ARL15: variants seen among roughly 807,000 people sequenced by gnomAD.
ARL15 encodes ARF like GTPase 15.
Under a neutral mutation model 25.2 loss-of-function variants are expected in ARL15, and 19 were observed. That is an observed-to-expected ratio of 0.75 (90% CI 0.53 to 1.10). The LOEUF is 1.10. ARL15 is among the 50% of genes least tolerant of loss of function. The pLI is 0.00. For synonymous variants in ARL15, 94 were observed against 86.8 expected, an observed-to-expected ratio of 1.08 and a Z score of -0.46; for missense variants, 220 against 246.0, an observed-to-expected ratio of 0.89 and a Z score of 0.71.
chr5:53,891,605 C>T (rs1744711076), intron 4 of ARL15, among the ~76,000 whole-genome samples: 1 of 152,182 alleles, frequency 6.6e-6, no homozygotes, highest in Non-Finnish European at 1.5e-5. Flanking sequence ...ATTTTTTCTG[C>T]ATAGTCACCA....
intron 4 of ARL15, among the ~76,000 whole-genome samples, chr5:54,025,693 A>G (rs1200480424): frequency 6.6e-6 from 1 of 152,110 alleles, no homozygotes; most frequent in Non-Finnish European, 1.5e-5. Flanking sequence ...TTCGGTAATT[A>G]CAATCCGATC....
At chr5:54,272,236 A>G (rs1298520405) in intron 1 of ARL15, among the ~76,000 whole-genome samples, 1 of 149,156 alleles carries the variant, frequency 6.7e-6, no homozygotes, top group Non-Finnish European at 1.5e-5. Flanking sequence ...TACAAGCAGG[A>G]GCCAGCATGT....
intron 4 of ARL15, among the ~76,000 whole-genome samples, chr5:54,091,725 C>T (rs1752133633): frequency 6.6e-6 from 1 of 151,646 alleles, no homozygotes. Flanking sequence ...ACCTTTGGAG[C>T]ATTTCTTTAA....
At chr5:53,926,647 C>T (rs911779785) in intron 4 of ARL15, among the ~76,000 whole-genome samples, 3 of 152,048 alleles carry the variant, frequency 2.0e-5, no homozygotes, top group African/African-American at 4.8e-5. Flanking sequence ...GATTGTTCTA[C>T]GCCAATCAAA....
intron 4 of ARL15, among the ~76,000 whole-genome samples, chr5:54,010,975 G>A (rs1413929893): frequency 1.3e-5 from 2 of 149,238 alleles, no homozygotes; most frequent in Non-Finnish European, 3.0e-5. Context: ...ACTCCAGCCC[G>A]GGCGACAGAG....
rs371245901 is a variant in ARL15, at chr5:53,998,177, T to C, written c.463-111464A>G. Among the ~76,000 whole-genome samples, 3 of 151,664 alleles carry C rather than the reference T, an allele frequency of 2.0e-5. No individual in the cohort carries two copies. In the East Asian group the frequency reaches 5.9e-4, roughly 30 times the overall value. The stretch of plus-strand genomic sequence containing the variant: ...TCTAGCTCCAAAATTCTGGGTTCTA[T>C]GAACCAGATTTTTGTGAGGGGGACT... On this transcript the variant is annotated intron_variant, in intron 4 of 4. Coordinates refer to ENST00000504924, the MANE Select transcript of ARL15 (RefSeq NM_019087.3).
intron 4 of ARL15, among the ~76,000 whole-genome samples, chr5:53,891,732 C>G (rs905687567): frequency 6.6e-6 from 1 of 152,188 alleles, no homozygotes; most frequent in African/African-American, 2.4e-5. Flanking sequence ...CTTCTTAAGC[C>G]TGCGAGGTGG....
chr5:54,177,099 A>G (rs569647066), intron 1 of ARL15, among the ~76,000 whole-genome samples: 4 of 152,334 alleles, frequency 2.6e-5, no homozygotes, highest in African/African-American at 7.2e-5. Flanking sequence ...TCCACTGCCT[A>G]GACTGCTTCA....
At chr5:53,932,129 GC>G (rs1360329964) in intron 4 of ARL15, among the ~76,000 whole-genome samples, 1 of 152,190 alleles carries the variant, frequency 6.6e-6, no homozygotes, top group Admixed American at 6.5e-5. Context: ...AGAAGGGACA[GC>G]CTCAGTGCCC....
chr5:54,240,043 C>T (rs1002844875), intron 1 of ARL15, among the ~76,000 whole-genome samples: 2 of 151,838 alleles, frequency 1.3e-5, no homozygotes, highest in East Asian at 1.9e-4. Context: ...CTGGCTAACA[C>T]GGTGAAACCC....
chr5:54,019,599 T>C (rs1424409935), intron 4 of ARL15, among the ~76,000 whole-genome samples: 2 of 152,208 alleles, frequency 1.3e-5, no homozygotes, highest in Non-Finnish European at 2.9e-5. Flanking sequence ...TATTTACAAA[T>C]TTTCAAATTT....
chr5:53,977,086 C>T (rs547077349), intron 4 of ARL15, among the ~76,000 whole-genome samples: 1 of 152,226 alleles, frequency 6.6e-6, no homozygotes, highest in Admixed American at 6.5e-5. Flanking sequence ...AGGCAAGGTG[C>T]GGTGGCTCAC....
rs562575195 is a variant in ARL15, at chr5:54,166,000, C to G, written c.193+5784G>C. On this transcript the variant is annotated intron_variant, in intron 2 of 4. Transcript: ENST00000504924. ...ATGGAGGACAATCTGTCAAAATCCG[C>G]AGATTTAAGTATTAAGTTCATCCCA... Among the ~76,000 whole-genome samples, 12 of 152,178 alleles carry G rather than the reference C, an allele frequency of 7.9e-5. No individual in the cohort carries two copies. In the East Asian group the frequency reaches 2.3e-3, roughly 30 times the overall value.
At chr5:54,065,447 C>T (rs1371246197) in intron 4 of ARL15, among the ~76,000 whole-genome samples, 4 of 152,130 alleles carry the variant, frequency 2.6e-5, no homozygotes, top group Non-Finnish European at 5.9e-5. Context: ...GGGCGGATCA[C>T]CTCAGGTCAG....
chr5:53,898,420 G>A (rs1224475820), intron 4 of ARL15, among the ~76,000 whole-genome samples: 2 of 152,166 alleles, frequency 1.3e-5, no homozygotes, highest in African/African-American at 4.8e-5. Context: ...GAATTCAGCA[G>A]TGAAGCAAGG....
intron 4 of ARL15, among the ~76,000 whole-genome samples, chr5:54,032,305 C>T (rs531109632): frequency 1.4e-4 from 22 of 152,042 alleles, no homozygotes; most frequent in Admixed American, 1.4e-3. Flanking sequence ...GTGATCTAGG[C>T]TCATTGCAAC....
chr5:54,057,998 TTA>T (rs1324799060), intron 4 of ARL15, among the ~76,000 whole-genome samples: 39 of 142,926 alleles, frequency 2.7e-4, no homozygotes, highest in African/African-American at 6.4e-4. Flanking sequence ...CTTTATTTAT[TTA>T]TTTATTTATT....
intron 4 of ARL15, among the ~76,000 whole-genome samples, chr5:53,961,537 A>G (rs1747373800): frequency 7.2e-6 from 1 of 138,466 alleles, no homozygotes; most frequent in Non-Finnish European, 1.6e-5. Context: ...CCATTGATTG[A>G]TTTTATATTT....
chr5:54,099,285 G>A (rs535752880), intron 4 of ARL15, among the ~76,000 whole-genome samples: 1 of 152,200 alleles, frequency 6.6e-6, no homozygotes, highest in African/African-American at 2.4e-5. Context: ...ACATCTTAAA[G>A]AACAAGACTT....
Sources: allele counts gnomAD v4.1 joint callset (sites outside exome capture counted in the v4.1 genomes callset), GRCh38; gene constraint gnomAD v4.1.1; transcripts MANE v1.5; gene names NCBI Gene and HGNC (gene_info 2026-07-23, HGNC 2026-07-21).